ANTXR1: variants seen among roughly 807,000 people sequenced by gnomAD.
The protein encoded by ANTXR1 is ANTXR cell adhesion molecule 1, also known as anthrax toxin receptor 1.
A neutral mutation model predicts 78.1 loss-of-function variants in ANTXR1; 19 were observed. The ratio of observed to expected loss-of-function variants is 0.24; its 90% CI spans 0.17 to 0.36. The LOEUF is 0.36. ANTXR1 is among the 10% of genes least tolerant of loss of function. ANTXR1 has a pLI of 1.00. For missense variants in ANTXR1, 518 were observed against 718.6 expected, an observed-to-expected ratio of 0.72 and a Z score of 3.19; for synonymous variants, 273 against 260.5, an observed-to-expected ratio of 1.05 and a Z score of -0.46.
intron 17 of ANTXR1, among the ~76,000 whole-genome samples, chr2:69,201,139 G>C (rs557252022): frequency 1.3e-5 from 2 of 152,292 alleles, no homozygotes; most frequent in African/African-American, 4.8e-5. Flanking sequence ...CCCAAACACT[G>C]CCTGGTGTGA....
At chr2:69,020,184 G>T (rs148850603) in intron 1 of ANTXR1, among the ~76,000 whole-genome samples, 2 of 152,026 alleles carry the variant, frequency 1.3e-5, no homozygotes, top group African/African-American at 4.8e-5. Flanking sequence ...AATTTTAAAG[G>T]GCATCAGAAA....
chr2:69,234,142 ATAAT>A (rs1675693855), intron 17 of ANTXR1, among the ~76,000 whole-genome samples: 3 of 152,256 alleles, frequency 2.0e-5, no homozygotes, highest in Non-Finnish European at 4.4e-5. Context: ...ATTTTGAAAA[ATAAT>A]AAAGATAGAC....
At chr2:69,044,985 A>C (rs963188705) in intron 3 of ANTXR1, among the ~76,000 whole-genome samples, 172 bp downstream of exon 3, 1 of 151,930 alleles carries the variant, frequency 6.6e-6, no homozygotes, top group Non-Finnish European at 1.5e-5. Context: ...CTGCTAGTTC[A>C]CTCTTCAGTT....
Position 69,245,115 on chromosome 2 carries a change from C to T in ANTXR1, c.1435-110C>T, listed in dbSNP as rs1361651619. 4.6e-6 allele frequency: 6 copies of T among 1,312,460 alleles called. No individual in the cohort carries two copies. In the African/African-American group the frequency reaches 7.3e-5, roughly 16 times the overall value. The allele number at this position is 1,312,460 out of a possible 1,614,324, so 81.3% of individuals were successfully genotyped here. A position where few individuals can be genotyped will look rare whatever the true frequency, so the allele number is the denominator to read the frequency against. On this transcript the variant is annotated intron_variant, in intron 17 of 17. Coordinates refer to ENST00000303714, the MANE Select transcript of ANTXR1 (RefSeq NM_032208.3). The stretch of plus-strand genomic sequence containing the variant: ...ACTATGTGCCACTAGAGAGTTGTCA[C>T]CAACAGGGGCCAGCTTTCCACATAT...
chr2:69,053,474 G>T (rs1264164377), intron 3 of ANTXR1, among the ~76,000 whole-genome samples: 1 of 152,078 alleles, frequency 6.6e-6, no homozygotes, highest in African/African-American at 2.4e-5. Context: ...TCCCGGGGTG[G>T]TGGGTCCTTC....
At chr2:69,162,819 C>T (rs1417437000) in intron 13 of ANTXR1, among the ~76,000 whole-genome samples, 1 of 152,082 alleles carries the variant, frequency 6.6e-6, no homozygotes, top group South Asian at 2.1e-4. Flanking sequence ...GAAGATATGA[C>T]TGCATTATGG....
At chr2:69,135,938 G>A (rs979378087) in intron 12 of ANTXR1, among the ~76,000 whole-genome samples, 6 of 152,182 alleles carry the variant, frequency 3.9e-5, no homozygotes, top group Middle Eastern at 3.4e-3. Flanking sequence ...TTTTGGTTGC[G>A]TACAATGAAG....
At chr2:69,076,601 A>G (rs1256345514) in intron 7 of ANTXR1, among the ~76,000 whole-genome samples, 3 of 152,374 alleles carry the variant, frequency 2.0e-5, no homozygotes, top group South Asian at 4.1e-4. Flanking sequence ...GTATGTTCAC[A>G]TAGAAAAAGT....
At position 69,050,297 on chromosome 2, in the gene ANTXR1, A is replaced by AAAAT. The variant is rs374411711; in HGVS notation, c.296+5508_296+5511dup. ...CTGGGCAACAGAGTGTGCTGTATCA[A>AAAAT]AAATAAATAAATAAATAAATAAATA... On this transcript the variant is annotated intron_variant, in intron 3 of 17. Coordinates refer to ENST00000303714, the MANE Select transcript of ANTXR1 (RefSeq NM_032208.3). Among the ~76,000 whole-genome samples the AAAAT allele has an allele frequency of 9.0e-3, 1,365 of 151,798 alleles. 20 individuals are homozygous for AAAAT. Among genetic ancestry groups the AAAAT allele is most frequent in the South Asian group, 0.037 (179 of 4,788 alleles).
At chr2:69,077,908 G>C (rs1670788867) in intron 8 of ANTXR1, among the ~76,000 whole-genome samples, 1 of 152,224 alleles carries the variant, frequency 6.6e-6, no homozygotes, top group Non-Finnish European at 1.5e-5. Context: ...GTCCATTGAA[G>C]TCATCTGCAG....
At chr2:69,079,355 G>A (rs1670831697) in intron 8 of ANTXR1, among the ~76,000 whole-genome samples, 1 of 152,116 alleles carries the variant, frequency 6.6e-6, no homozygotes, top group Non-Finnish European at 1.5e-5. Flanking sequence ...GGATCCTTAA[G>A]AAGCTCAGAG....
At chr2:69,188,598 A>C (rs919901214) in intron 16 of ANTXR1, among the ~76,000 whole-genome samples, 1 of 152,238 alleles carries the variant, frequency 6.6e-6, no homozygotes, top group African/African-American at 2.4e-5. Flanking sequence ...TGTCAACTTC[A>C]AATGAAAGAA....
intron 17 of ANTXR1, among the ~76,000 whole-genome samples, chr2:69,212,120 C>T (rs1271540900): frequency 6.6e-6 from 1 of 152,068 alleles, no homozygotes; most frequent in East Asian, 1.9e-4. Flanking sequence ...TCTCTAATAC[C>T]TTGCATATGG....
intron 14 of ANTXR1, among the ~76,000 whole-genome samples, chr2:69,177,874 A>G (rs940646519): frequency 4.6e-5 from 7 of 151,768 alleles, no homozygotes; most frequent in Admixed American, 4.6e-4. Context: ...GCTCTGCCCC[A>G]CTCTGTTCTG....
chr2:69,168,503 A>G (rs969412302), intron 13 of ANTXR1, among the ~76,000 whole-genome samples: 2 of 152,030 alleles, frequency 1.3e-5, no homozygotes, highest in Non-Finnish European at 2.9e-5. Context: ...CTCAGCACCA[A>G]ACCTCTTCAC....
At chr2:69,216,425 A>ATG (rs1675177950) in intron 17 of ANTXR1, among the ~76,000 whole-genome samples, 1 of 152,096 alleles carries the variant, frequency 6.6e-6, no homozygotes, top group African/African-American at 2.4e-5. Flanking sequence ...GCATATACAT[A>ATG]CATATACACA....
chr2:69,158,596 A>C (rs764791994), intron 13 of ANTXR1, among the ~76,000 whole-genome samples: 7 of 152,236 alleles, frequency 4.6e-5, no homozygotes, highest in Non-Finnish European at 7.3e-5. Flanking sequence ...AGCTGTGTGC[A>C]TTCAATAGAA....
chr2:69,179,861 G>A (rs757436571), intron 14 of ANTXR1, among the ~76,000 whole-genome samples: 3 of 152,204 alleles, frequency 2.0e-5, no homozygotes, highest in Non-Finnish European at 4.4e-5. Context: ...ACATGGGAAA[G>A]GCTGCATAAA....
At chr2:69,156,938 A>G (rs1673542893) in intron 13 of ANTXR1, among the ~76,000 whole-genome samples, 1 of 152,134 alleles carries the variant, frequency 6.6e-6, no homozygotes. Context: ...TGTTAATCTC[A>G]TGCCTTATTT....
Sources: gnomAD v4.1 joint callset for allele counts (sites outside exome capture counted in the v4.1 genomes callset) on GRCh38, gnomAD v4.1.1 for gene constraint, MANE v1.5 for transcripts, NCBI Gene and HGNC (gene_info 2026-07-23, HGNC 2026-07-21) for gene names.